The following SUSD5 variants were observed in gnomAD, a reference collection of about 807,000 sequenced individuals.
The protein encoded by SUSD5 is sushi domain containing 5.
In SUSD5, 33 loss-of-function variants were observed where a neutral mutation model predicts 29.5. The ratio of observed to expected loss-of-function variants is 1.12; its 90% CI spans 0.85 to 1.49. The LOEUF is 1.49. SUSD5 is among the 40% of genes most tolerant of loss of function. The pLI, the probability that SUSD5 is intolerant of heterozygous loss-of-function variation, is 0.00. For missense variants in SUSD5, 776 were observed against 800.6 expected, an observed-to-expected ratio of 0.97 and a Z score of 0.37; for synonymous variants, 308 against 325.3, an observed-to-expected ratio of 0.95 and a Z score of 0.57.
chr3:33,203,773 C>T (rs1176196682), intron 3 of SUSD5, among the ~76,000 whole-genome samples: 1 of 152,196 alleles, frequency 6.6e-6, no homozygotes, highest in Non-Finnish European at 1.5e-5. Flanking sequence ...GTGCCCGGGT[C>T]TCCACACCCT....
At chr3:33,191,770 A>C (rs2031895231) in intron 3 of SUSD5, among the ~76,000 whole-genome samples, 1 of 152,018 alleles carries the variant, frequency 6.6e-6, no homozygotes. Flanking sequence ...ATATAGCGAG[A>C]TCCCATCTCA....
In SUSD5 at chr3:33,150,307, C is replaced by T. The variant is rs886408249; in HGVS notation, c.*2435G>A. ...TCCATGTCTACAAATAAAACATTTA[C>T]CTGTATTAATAATTTGTAATAAATT... On this transcript the variant is annotated 3_prime_UTR_variant, in exon 5 of 5. Coordinates refer to ENST00000309558, the MANE Select transcript of SUSD5 (RefSeq NM_015551.2). The T allele has an allele frequency of 6.6e-6, 1 of 151,770 alleles. No individual in the cohort carries two copies. The highest frequency in any genetic ancestry group is 1.5e-5 in the Non-Finnish European group (1 of 67,958). The allele number at this position is 151,770 out of a possible 1,614,324, so 9.4% of individuals were successfully genotyped here.
chr3:33,183,924 T>A (rs529108346), intron 3 of SUSD5, among the ~76,000 whole-genome samples: 139 of 142,694 alleles, frequency 9.7e-4, no homozygotes, highest in Middle Eastern at 7.0e-3. Flanking sequence ...AATATTTTAT[T>A]ACCCTCTTTT....
intron 3 of SUSD5, among the ~76,000 whole-genome samples, chr3:33,198,983 C>T (rs1191820582): frequency 1.3e-5 from 2 of 152,120 alleles, no homozygotes; most frequent in Non-Finnish European, 2.9e-5. Flanking sequence ...TAAGCACAGA[C>T]CCTGGCCTCA....
Position 33,218,712 on chromosome 3 carries a change from A to C in SUSD5, c.86T>G (p.Leu29Arg), listed in dbSNP as rs1259791140. The C allele has an allele frequency of 7.6e-7, 1 of 1,324,054 alleles. No homozygotes were observed. 82.0% of individuals were successfully genotyped at this position (1,324,054 alleles called of 1,614,324 possible). Residue 29 changes from leucine to arginine, a missense_variant, in exon 1 of 5, where the codon CTG becomes CGG. Transcript: ENST00000309558. Reference sequence around the variant, plus strand: ...ATCCGCCCGCACCGAAAGGCGCGGCAGACCGAGCAGGAGCAGCGCCGCCGC... The same window carrying C: ...ATCCGCCCGCACCGAAAGGCGCGGCCGACCGAGCAGGAGCAGCGCCGCCGC... ...LWAAALLLLG[L>R]PRLSVRADGK...
intron 2 of SUSD5, among the ~76,000 whole-genome samples, chr3:33,209,641 TCTC>T (rs1471322122): frequency 1.3e-5 from 2 of 151,092 alleles, no homozygotes. Flanking sequence ...TTTCTTTCTC[TCTC>T]TTCTTTCTTT....
Position 33,151,305 on chromosome 3 carries a change from GGACCA to G in SUSD5, c.*1432_*1436del, listed in dbSNP as rs1044770790. The G allele has an allele frequency of 7.9e-5, 12 of 152,148 alleles. No individual in the cohort carries two copies. The highest frequency in any genetic ancestry group is 2.7e-4 in the African/African-American group (11 of 41,426). The allele number at this position is 152,148 out of a possible 1,614,324, so 9.4% of individuals were successfully genotyped here. On this transcript the variant is annotated 3_prime_UTR_variant, in exon 5 of 5. Coordinates refer to ENST00000309558, the MANE Select transcript of SUSD5 (RefSeq NM_015551.2). ...GGTGACGCTGATGCTACTGGTCTGA[GGACCA>G]CACTTTGAGAACCACTGCCATAAAC... is the stretch of plus-strand genomic sequence containing the variant.
At chr3:33,178,199 T>C (rs1407052122) in intron 3 of SUSD5, among the ~76,000 whole-genome samples, 1 of 152,210 alleles carries the variant, frequency 6.6e-6, no homozygotes, top group Admixed American at 6.5e-5. Flanking sequence ...TTATCATGAA[T>C]GGGTGTTGGA....
chr3:33,218,674 C>T lies in SUSD5; in HGVS notation c.112+12G>A. 1.6e-6 allele frequency: 2 copies of T among 1,285,950 alleles called. No homozygotes were observed. Among genetic ancestry groups the T allele is most frequent in the South Asian group, 2.4e-5 (1 of 42,322 alleles). 79.7% of individuals were successfully genotyped at this position (1,285,950 alleles called of 1,614,324 possible). ...GCTCCACCCCCCGCCCCGCCGCCTC[C>T]CGCACACTCACCATCCGCCCGCACC... On this transcript the variant is annotated intron_variant, in intron 1 of 4. Coordinates refer to ENST00000309558, the MANE Select transcript of SUSD5 (RefSeq NM_015551.2).
chr3:33,168,464 AATTT>A (rs1310398397), intron 4 of SUSD5: 1 of 944,022 alleles, frequency 1.1e-6, no homozygotes, highest in African/African-American at 1.8e-5. Context: ...AATAGAAGTT[AATTT>A]AAGAAAACAA....
intron 3 of SUSD5, among the ~76,000 whole-genome samples, chr3:33,184,684 C>T (rs1283441401): frequency 6.6e-6 from 1 of 152,118 alleles, no homozygotes; most frequent in African/African-American, 2.4e-5. Flanking sequence ...GATATTTTCT[C>T]CTCAGCTGTG....
chr3:33,164,151 G>A (rs1296718983), intron 4 of SUSD5, among the ~76,000 whole-genome samples: 2 of 152,242 alleles, frequency 1.3e-5, no homozygotes, highest in Non-Finnish European at 1.5e-5. Flanking sequence ...TCCAGCCTGG[G>A]CGACAGAGCA....
chr3:33,166,235 AC>A (rs1437154207), intron 4 of SUSD5, among the ~76,000 whole-genome samples: 1 of 152,136 alleles, frequency 6.6e-6, no homozygotes, highest in Admixed American at 6.5e-5. Flanking sequence ...GCTAATTAAT[AC>A]CCTGAATATC....
intron 3 of SUSD5, among the ~76,000 whole-genome samples, chr3:33,189,597 C>T (rs1279895922): frequency 6.6e-6 from 1 of 151,356 alleles, no homozygotes; most frequent in African/African-American, 2.4e-5. Context: ...TTTTCCTTTA[C>T]CCTCACCAAT....
In SUSD5 at chr3:33,169,827, A is replaced by G. The variant is rs141756691; in HGVS notation, c.598+5059T>C. 9.8e-5 allele frequency among the ~76,000 whole-genome samples: 15 copies of G among 152,296 alleles called. No individual in the cohort carries two copies. In the East Asian group the frequency reaches 2.9e-3, roughly 29 times the overall value. On this transcript the variant is annotated intron_variant, in intron 4 of 4. Coordinates refer to ENST00000309558, the MANE Select transcript of SUSD5 (RefSeq NM_015551.2). Reference sequence around the variant, plus strand: ...GATACTGCAGCCCAGAAAGCAACAAACAGAACCGATGGAACTGAGGGTAGG... The same window carrying G: ...GATACTGCAGCCCAGAAAGCAACAAGCAGAACCGATGGAACTGAGGGTAGG...
At chr3:33,158,904 A>G (rs185428286) in intron 4 of SUSD5, among the ~76,000 whole-genome samples, 3 of 152,298 alleles carry the variant, frequency 2.0e-5, no homozygotes, top group Admixed American at 2.0e-4. Context: ...TTACTAGGGA[A>G]TATTTTTTGT....
At chr3:33,168,372 G>T in intron 4 of SUSD5, 1 of 372,610 alleles carries the variant, frequency 2.7e-6, no homozygotes, top group Non-Finnish European at 3.7e-6. Context: ...TTTTGTTCCT[G>T]ACAAGGAAAT....
At chr3:33,215,661 G>A (rs944306750) in intron 1 of SUSD5, among the ~76,000 whole-genome samples, 3 of 152,120 alleles carry the variant, frequency 2.0e-5, no homozygotes, top group Non-Finnish European at 2.9e-5. Context: ...GTATGGCTCC[G>A]TTAGTGATTT....
chr3:33,159,793 A>G (rs2031140562), intron 4 of SUSD5, among the ~76,000 whole-genome samples: 2 of 152,208 alleles, frequency 1.3e-5, no homozygotes, highest in African/African-American at 2.4e-5. Context: ...ACTAAACATC[A>G]GCAAAAACAT....
Sources: gnomAD v4.1 joint callset for allele counts (sites outside exome capture counted in the v4.1 genomes callset) on GRCh38, gnomAD v4.1.1 for gene constraint, MANE v1.5 for transcripts, NCBI Gene and HGNC (gene_info 2026-07-23, HGNC 2026-07-21) for gene names.